Variants in PHYHD1 observed in about 807,000 individuals in gnomAD.
PHYHD1 encodes the protein phytanoyl-CoA dioxygenase domain-containing protein 1.
In PHYHD1, 42 loss-of-function variants were observed where a neutral mutation model predicts 43.6. The observed-to-expected ratio is 0.96, with a 90% CI of 0.75 to 1.25. PHYHD1 has a LOEUF of 1.25. Among genes scored for constraint, PHYHD1 ranks in the 50% most tolerant of loss-of-function variants. The pLI is 0.00. For missense variants in PHYHD1, 342 were observed against 370.8 expected, an observed-to-expected ratio of 0.92 and a Z score of 0.64; for synonymous variants, 139 against 143.6, an observed-to-expected ratio of 0.97 and a Z score of 0.23.
At chr9:128,928,415 T>C (rs934686788) in intron 4 of PHYHD1, among the ~76,000 whole-genome samples, 4 of 151,924 alleles carry the variant, frequency 2.6e-5, no homozygotes, top group Admixed American at 2.0e-4. Flanking sequence ...ATAAAGCTGA[T>C]ATATTGGCCG....
At chr9:128,933,527 C>T (rs111602796) in intron 4 of PHYHD1, among the ~76,000 whole-genome samples, 2,644 of 152,196 alleles carry the variant, frequency 0.017, 80 homozygotes, top group African/African-American at 0.059. Context: ...CAGCCCTATT[C>T]GACTCTAGCA....
At chr9:128,931,752 C>G (rs1841282775) in intron 4 of PHYHD1, among the ~76,000 whole-genome samples, 2 of 152,116 alleles carry the variant, frequency 1.3e-5, no homozygotes, top group Non-Finnish European at 2.9e-5. Context: ...TGGTCTCGAT[C>G]TCCTGACCTC....
chr9:128,935,626 G>A (rs566425976), intron 6 of PHYHD1, among the ~76,000 whole-genome samples: 4 of 146,134 alleles, frequency 2.7e-5, no homozygotes, highest in East Asian at 2.0e-4. Flanking sequence ...TAGCTTGGCC[G>A]GGCGCGGTGG....
chr9:128,922,136 G>A (rs1040753153), intron 2 of PHYHD1, 89 bp downstream of exon 2: 3 of 605,048 alleles, frequency 5.0e-6, no homozygotes, highest in African/African-American at 1.9e-5. Context: ...TCCTGGATTA[G>A]TTGTGGGGGT....
chr9:128,937,660 T>C, intron 8 of PHYHD1, 97 bp from the exon 9 acceptor site: 3 of 1,410,200 alleles, frequency 2.1e-6, no homozygotes, highest in Non-Finnish European at 3.0e-6. Flanking sequence ...GAGAGGAAAA[T>C]GCCTGTGGCC....
intron 3 of PHYHD1, among the ~76,000 whole-genome samples, chr9:128,925,446 C>T (rs928017447): frequency 6.6e-6 from 1 of 151,778 alleles, no homozygotes; most frequent in Non-Finnish European, 1.5e-5. Context: ...GGCTAGTCTC[C>T]GACTCCTGAC....
At chr9:128,932,218 A>T (rs1458705027) in intron 4 of PHYHD1, among the ~76,000 whole-genome samples, 3 of 132,406 alleles carry the variant, frequency 2.3e-5, no homozygotes, top group Non-Finnish European at 4.6e-5. Context: ...TCGCACTGTC[A>T]CCCGGGTTGG....
intron 6 of PHYHD1, among the ~76,000 whole-genome samples, chr9:128,934,370 T>G (rs1588252870): frequency 4.5e-5 from 6 of 133,560 alleles, no homozygotes; most frequent in Non-Finnish European, 1.6e-5. Context: ...CCTGCCTGGG[T>G]GACAGAGACA....
chr9:128,928,036 CA>C (rs1292076445), intron 4 of PHYHD1, among the ~76,000 whole-genome samples: 1 of 152,254 alleles, frequency 6.6e-6, no homozygotes, highest in African/African-American at 2.4e-5. Flanking sequence ...CCTTCCTAGT[CA>C]GAGTTTATTA....
At chr9:128,934,607 A>C (rs928202963) in intron 6 of PHYHD1, among the ~76,000 whole-genome samples, 2 of 151,886 alleles carry the variant, frequency 1.3e-5, no homozygotes, top group Non-Finnish European at 2.9e-5. Flanking sequence ...TGTCTCTACT[A>C]AAAATACAAA....
intron 9 of PHYHD1, among the ~76,000 whole-genome samples, chr9:128,939,661 A>ATTTTTTTTTTTTT (rs533393185): frequency 8.8e-6 from 1 of 113,516 alleles, no homozygotes; most frequent in African/African-American, 3.0e-5. Context: ...CAACTTCCCA[A>ATTTTTTTTTTTTT]TTTTTTTTTT....
At chr9:128,932,655 C>CAGTGCCTGGTTGG (rs1564540614) in intron 4 of PHYHD1, among the ~76,000 whole-genome samples, 1 of 66,766 alleles carries the variant, frequency 1.5e-5, no homozygotes, top group Non-Finnish European at 3.4e-5. Context: ...GTGTGAGCCA[C>CAGTGCCTGGTTGG]TGCACCCAGC....
intron 4 of PHYHD1, among the ~76,000 whole-genome samples, chr9:128,930,076 A>G (rs1027750121): frequency 6.6e-6 from 1 of 151,778 alleles, no homozygotes; most frequent in African/African-American, 2.4e-5. Context: ...CCAGGAGTTC[A>G]ACACCAGCCT....
In PHYHD1 at chr9:128,933,771, C is replaced by A; in HGVS notation, c.193-11C>A. ...ATGCTGTCTCAGTCCTCTGATGTCC[C>A]CTTTCCACAGGGCAGCACAGACTAT... On this transcript the variant is annotated splice_polypyrimidine_tract_variant and intron_variant, in intron 4 of 12. Coordinates refer to ENST00000372592, the MANE Select transcript of PHYHD1 (RefSeq NM_001100876.2). The A allele has an allele frequency of 6.2e-7, 1 of 1,613,650 alleles. No individual in the cohort carries two copies. The highest frequency in any genetic ancestry group is 8.5e-7 in the Non-Finnish European group (1 of 1,179,570).
chr9:128,939,723 C>T lies in PHYHD1; in HGVS notation c.458-646C>T, dbSNP rs150924221. On this transcript the variant is annotated intron_variant, in intron 9 of 12. Transcript: ENST00000372592. ...AGACTGGAGTGAGGTGGCACAGTCT[C>T]GGCTCACTGCAAGTTCTGCCTCCCG... Among the ~76,000 whole-genome samples the T allele has an allele frequency of 2.4e-3, 278 of 117,476 alleles. 23 individuals carry two copies. The East Asian group carries it at 0.035, about 15-fold the overall frequency. 77.1% of individuals were successfully genotyped at this position (117,476 alleles called of 152,430 possible).
chr9:128,938,642 C>T (rs1192803703), intron 9 of PHYHD1, among the ~76,000 whole-genome samples: 19 of 150,276 alleles, frequency 1.3e-4, no homozygotes, highest in African/African-American at 2.4e-4. Flanking sequence ...AGGCTGGTCT[C>T]GAACTCCTGA....
chr9:128,927,013 G>A, intron 3 of PHYHD1, 25 bp from the exon 4 acceptor site: 1 of 1,614,090 alleles, frequency 6.2e-7, no homozygotes, highest in African/African-American at 1.3e-5. Context: ...GACTGGGGAA[G>A]CCTGAGTCTC....
chr9:128,924,286 C>T (rs1364860692), intron 3 of PHYHD1, among the ~76,000 whole-genome samples: 3 of 152,088 alleles, frequency 2.0e-5, no homozygotes, highest in African/African-American at 7.2e-5. Flanking sequence ...GGCATGGTGG[C>T]GGGCGCCTGT....
intron 1 of PHYHD1, 105 bp downstream of exon 1, chr9:128,921,773 T>C (rs1008131794): frequency 6.6e-6 from 1 of 152,608 alleles, no homozygotes; most frequent in Non-Finnish European, 1.5e-5. Flanking sequence ...TTAATTCCCT[T>C]CCATAATCCT....
Sources: allele counts gnomAD v4.1 joint callset (sites outside exome capture counted in the v4.1 genomes callset), GRCh38; gene constraint gnomAD v4.1.1; transcripts MANE v1.5; gene names NCBI Gene and HGNC (gene_info 2026-07-23, HGNC 2026-07-21).